The following PGCKA1 variants were observed in gnomAD, a reference collection of about 807,000 sequenced individuals.
PGCKA1 encodes PDCD10 and GCKIII kinases associated 1, also known as PDCD10 and GCKIII kinases-associated protein 1.
chr4:37,543,424 G>A, the PGCKA1 span, among the ~76,000 whole-genome samples: 1,251 of 152,174 alleles, frequency 8.2e-3, 18 homozygotes, highest in African/African-American at 0.029. Flanking sequence ...GTAGCAAAGG[G>A]CTTGTTTCTC....
the PGCKA1 span, among the ~76,000 whole-genome samples, chr4:37,565,921 G>A: frequency 6.6e-6 from 1 of 152,216 alleles, no homozygotes; most frequent in South Asian, 2.1e-4. Context: ...GCAGAAAAAC[G>A]TCAAAAGGTG....
At chr4:37,575,895 A>G in the PGCKA1 span, among the ~76,000 whole-genome samples, 1,263 of 152,204 alleles carry the variant, frequency 8.3e-3, 22 homozygotes, top group African/African-American at 0.029. Flanking sequence ...CTTTGTTGAA[A>G]ATGAGAACAC....
chr4:37,521,920 C>T, the PGCKA1 span, among the ~76,000 whole-genome samples: 12 of 152,024 alleles, frequency 7.9e-5, no homozygotes, highest in Non-Finnish European at 1.8e-4. Context: ...TCAAATTGAC[C>T]CCTTTATCTT....
At chr4:37,570,950 G>A in the PGCKA1 span, among the ~76,000 whole-genome samples, 1 of 152,232 alleles carries the variant, frequency 6.6e-6, no homozygotes, top group Non-Finnish European at 1.5e-5. Flanking sequence ...TGGGTAGTAT[G>A]AGATTTGATT....
At chr4:37,512,496 C>T in the PGCKA1 span, among the ~76,000 whole-genome samples, 15 of 139,154 alleles carry the variant, frequency 1.1e-4, no homozygotes, top group African/African-American at 3.6e-4. Flanking sequence ...ACTCTGGTGT[C>T]GCCAGCCTGG....
At chr4:37,572,486 A>C in the PGCKA1 span, among the ~76,000 whole-genome samples, 2 of 152,022 alleles carry the variant, frequency 1.3e-5, no homozygotes, top group African/African-American at 4.8e-5. Context: ...CATCTACCAC[A>C]TTTGCTTTGT....
At chr4:37,461,862 A>G in the PGCKA1 span, among the ~76,000 whole-genome samples, 65 of 152,084 alleles carry the variant, frequency 4.3e-4, 1 homozygote, top group Non-Finnish European at 1.3e-4. Flanking sequence ...GAAGGATGCA[A>G]TCTGGGAGGC....
chr4:37,535,614 A>C, the PGCKA1 span, among the ~76,000 whole-genome samples: 4 of 152,188 alleles, frequency 2.6e-5, no homozygotes, highest in Non-Finnish European at 5.9e-5. Context: ...GTGTCTGGTG[A>C]GAAGATCAGT....
chr4:37,491,851 G>GT, the PGCKA1 span, among the ~76,000 whole-genome samples: 4 of 151,834 alleles, frequency 2.6e-5, no homozygotes, highest in Admixed American at 1.3e-4. Flanking sequence ...CCATTTATTT[G>GT]TTTTTTCACT....
chr4:37,545,013 ACC>A, the PGCKA1 span, among the ~76,000 whole-genome samples: 1 of 151,086 alleles, frequency 6.6e-6, no homozygotes, highest in Admixed American at 6.6e-5. Flanking sequence ...GTACCACCAC[ACC>A]TGGCTAATTT....
the PGCKA1 span, among the ~76,000 whole-genome samples, chr4:37,535,807 C>T: frequency 5.3e-5 from 8 of 152,290 alleles, no homozygotes; most frequent in Admixed American, 1.3e-4. Context: ...AACATGGCAG[C>T]GCTGGGACTG....
the PGCKA1 span, among the ~76,000 whole-genome samples, chr4:37,478,781 T>TC: frequency 2.6e-5 from 4 of 152,146 alleles, no homozygotes; most frequent in Non-Finnish European, 5.9e-5. Context: ...ACTTTCTGCC[T>TC]CCCCCCTCTC....
At chr4:37,542,834 T>C in the PGCKA1 span, among the ~76,000 whole-genome samples, 1 of 152,220 alleles carries the variant, frequency 6.6e-6, no homozygotes, top group Non-Finnish European at 1.5e-5. Flanking sequence ...TATCATTGCA[T>C]CTAATTGCTT....
chr4:37,479,521 G>C, the PGCKA1 span, among the ~76,000 whole-genome samples: 1 of 152,152 alleles, frequency 6.6e-6, no homozygotes, highest in Non-Finnish European at 1.5e-5. Flanking sequence ...CAAATTTTCA[G>C]TAGGAACAAG....
chr4:37,527,578 G>T, the PGCKA1 span, among the ~76,000 whole-genome samples: 3 of 151,890 alleles, frequency 2.0e-5, no homozygotes, highest in African/African-American at 7.3e-5. Flanking sequence ...CCAGCACTTT[G>T]GGAGGCCGAG....
chr4:37,534,354 G>A, the PGCKA1 span, among the ~76,000 whole-genome samples: 132 of 152,256 alleles, frequency 8.7e-4, no homozygotes, highest in African/African-American at 2.8e-3. Context: ...TAGAGTTACC[G>A]TTTTCTTAAC....
chr4:37,590,628 T>C, the PGCKA1 span: 1,952 of 1,614,094 alleles, frequency 1.2e-3, 37 homozygotes, highest in East Asian at 0.025. Flanking sequence ...ACCTTCAGCA[T>C]TGGGGCCCAG....
At chr4:37,588,572 G>T in the PGCKA1 span, 1 of 363,790 alleles carries the variant, frequency 2.7e-6, no homozygotes, top group Non-Finnish European at 5.1e-6. Context: ...CTCCTCATCT[G>T]CAAAATGGGG....
At chr4:37,532,167 G>A in the PGCKA1 span, among the ~76,000 whole-genome samples, 1 of 152,136 alleles carries the variant, frequency 6.6e-6, no homozygotes, top group African/African-American at 2.4e-5. Context: ...TTTGTTGCTT[G>A]TCTACAATTA....
Sources: allele counts gnomAD v4.1 joint callset (sites outside exome capture counted in the v4.1 genomes callset), GRCh38; gene constraint gnomAD v4.1.1; transcripts MANE v1.5; gene names NCBI Gene and HGNC (gene_info 2026-07-23, HGNC 2026-07-21).